CAST: variants seen among roughly 807,000 people sequenced by gnomAD.
CAST encodes MIR583 host.
Under a neutral mutation model 119.6 loss-of-function variants are expected in CAST, and 76 were observed. The ratio of observed to expected loss-of-function variants is 0.64; its 90% CI spans 0.53 to 0.77. CAST has a LOEUF of 0.77. CAST is among the 30% of genes least tolerant of loss of function. The pLI is 0.00. For missense variants in CAST, 953 were observed against 946.5 expected (o/e 1.01, Z -0.09); for synonymous variants, 319 against 331.6 (o/e 0.96, Z 0.41).
chr5:96,246,187 C>CTTTTTTT, the CAST span, among the ~76,000 whole-genome samples: 4 of 76,386 alleles, frequency 5.2e-5, no homozygotes, highest in African/African-American at 8.9e-5. Flanking sequence ...GTCTGTCTTC[C>CTTTTTTT]TTTTTTTTTT....
At chr5:96,675,179 T>C (rs1487480841) in intron 1 of CAST, among the ~76,000 whole-genome samples, 1 of 152,240 alleles carries the variant, frequency 6.6e-6, no homozygotes, top group Non-Finnish European at 1.5e-5. Context: ...GCCTTAAGTA[T>C]GGCTTCAGAT....
At chr5:96,447,290 A>G in the CAST span, among the ~76,000 whole-genome samples, 11 of 152,256 alleles carry the variant, frequency 7.2e-5, no homozygotes, top group Admixed American at 7.2e-4. Flanking sequence ...AGAGAGCACC[A>G]GTGGACTTGA....
At chr5:96,532,010 T>A (rs1242078271) in intron 1 of CAST, among the ~76,000 whole-genome samples, 1 of 152,154 alleles carries the variant, frequency 6.6e-6, no homozygotes, top group Non-Finnish European at 1.5e-5. Flanking sequence ...CCCAGCCACT[T>A]GGGAGCCTGA....
At chr5:96,068,377 G>C in the CAST span, among the ~76,000 whole-genome samples, 95,285 of 151,728 alleles carry the variant, frequency 0.63, 30,140 homozygotes, top group African/African-American at 0.67. Context: ...GTCTCACCTT[G>C]AGAATCATGC....
chr5:96,533,819 A>G (rs1561408478), intron 1 of CAST, among the ~76,000 whole-genome samples: 1 of 152,188 alleles, frequency 6.6e-6, no homozygotes, highest in East Asian at 1.9e-4. Context: ...CAAATATGTG[A>G]GTGTACCCAG....
chr5:96,542,312 A>AAAAAAGAAAG (rs796484563), intron 1 of CAST, among the ~76,000 whole-genome samples: 2 of 151,816 alleles, frequency 1.3e-5, no homozygotes, highest in Admixed American at 1.3e-4. Flanking sequence ...TAGTCTCAAA[A>AAAAAAGAAAG]AAAAAAAAAA....
the CAST span, among the ~76,000 whole-genome samples, chr5:96,225,559 G>A: frequency 6.6e-6 from 1 of 152,066 alleles, no homozygotes; most frequent in African/African-American, 2.4e-5. Context: ...AAGCAGTGAA[G>A]GTAAAATTAT....
At chr5:96,238,269 A>C in the CAST span, among the ~76,000 whole-genome samples, 2 of 148,898 alleles carry the variant, frequency 1.3e-5, no homozygotes, top group Non-Finnish European at 3.0e-5. Flanking sequence ...TCCCTTTTAG[A>C]TAATATTTTA....
the CAST span, among the ~76,000 whole-genome samples, chr5:96,183,155 AAATAAAATAATAAT>A: frequency 9.5e-6 from 1 of 105,024 alleles, no homozygotes. Context: ...GAAAAAAAAT[AAATAAAATAATAAT>A]AATAATAATA....
At chr5:96,397,008 G>A in the CAST span, among the ~76,000 whole-genome samples, 2 of 152,214 alleles carry the variant, frequency 1.3e-5, no homozygotes, top group Admixed American at 6.5e-5. Context: ...AAGTATCTTT[G>A]TGAATATGAT....
the CAST span, among the ~76,000 whole-genome samples, chr5:96,177,195 A>G: frequency 6.6e-6 from 1 of 152,244 alleles, no homozygotes; most frequent in Non-Finnish European, 1.5e-5. Flanking sequence ...AAGTGCTAAC[A>G]GATTGCTCTA....
At chr5:96,279,968 C>T in the CAST span, among the ~76,000 whole-genome samples, 2 of 152,228 alleles carry the variant, frequency 1.3e-5, no homozygotes, top group African/African-American at 2.4e-5. Context: ...CATCCTTTAG[C>T]GCCAGACAAC....
chr5:96,467,862 G>A, the CAST span, among the ~76,000 whole-genome samples: 2 of 151,946 alleles, frequency 1.3e-5, no homozygotes, highest in African/African-American at 4.8e-5. Flanking sequence ...TCTACTGTTC[G>A]ATCCAGCAAT....
At chr5:96,763,161 A>C (rs764203930) in intron 25 of CAST, 1 of 780,588 alleles carries the variant, frequency 1.3e-6, no homozygotes, top group Non-Finnish European at 2.4e-6. Flanking sequence ...GTAGCATCAA[A>C]GCATATTTAG....
the CAST span, among the ~76,000 whole-genome samples, chr5:96,057,071 A>G: frequency 2.6e-5 from 4 of 152,192 alleles, no homozygotes; most frequent in Admixed American, 2.0e-4. Context: ...AAAGTGATGT[A>G]TGGAAGATGG....
chr5:96,581,360 C>A (rs1189656748), intron 1 of CAST, among the ~76,000 whole-genome samples: 2 of 151,886 alleles, frequency 1.3e-5, no homozygotes. Flanking sequence ...TTTTTTTCAG[C>A]CAGTACATAG....
the CAST span, among the ~76,000 whole-genome samples, chr5:96,178,822 G>C: frequency 6.6e-6 from 1 of 152,146 alleles, no homozygotes; most frequent in African/African-American, 2.4e-5. Flanking sequence ...ATAGATGAGA[G>C]AGCACTTATC....
the CAST span, among the ~76,000 whole-genome samples, chr5:96,281,561 A>G: frequency 3.3e-5 from 5 of 152,176 alleles, no homozygotes; most frequent in African/African-American, 1.2e-4. Flanking sequence ...AAGTAAGACA[A>G]TTATGTCCCC....
At chr5:96,286,955 C>G in the CAST span, among the ~76,000 whole-genome samples, 4 of 152,022 alleles carry the variant, frequency 2.6e-5, no homozygotes, top group Non-Finnish European at 5.9e-5. Flanking sequence ...TTTTGTGAGT[C>G]CTAGTTTTAA....
Sources: allele counts gnomAD v4.1 joint callset (sites outside exome capture counted in the v4.1 genomes callset), GRCh38; gene constraint gnomAD v4.1.1; transcripts MANE v1.5; gene names NCBI Gene and HGNC (gene_info 2026-07-23, HGNC 2026-07-21).